The following THSD4 variants were observed in gnomAD, a reference collection of about 807,000 sequenced individuals.
The protein encoded by THSD4 is thrombospondin type 1 domain containing 4.
Under a neutral mutation model 119.0 loss-of-function variants are expected in THSD4, and 69 were observed. That is an observed-to-expected ratio of 0.58 (90% CI 0.48 to 0.71). The LOEUF is 0.71. THSD4 is among the 30% of genes least tolerant of loss of function. The pLI is 0.00. For missense variants in THSD4, 1,393 were observed against 1,391.1 expected, an observed-to-expected ratio of 1.00 and a Z score of -0.02; for synonymous variants, 524 against 540.4, an observed-to-expected ratio of 0.97 and a Z score of 0.42.
chr15:71,349,153 C>A (rs576313926), intron 6 of THSD4, among the ~76,000 whole-genome samples: 2 of 152,288 alleles, frequency 1.3e-5, no homozygotes, highest in African/African-American at 4.8e-5. Flanking sequence ...GCAGTGAGAT[C>A]ATAGGCAATT....
rs117869345 is a variant in THSD4 at position 71,612,568 on chromosome 15, G to A, written c.1153-47962G>A. 2.2e-3 allele frequency among the ~76,000 whole-genome samples: 333 copies of A among 152,236 alleles called. 1 individual carries two copies. The highest frequency in any genetic ancestry group is 7.5e-3 in the South Asian group (36 of 4,796). ...GACACCCATGAAAGGGATGGGTTCC[G>A]TGCTGCAGCTGTTGATGGAGACAAG... On this transcript the variant is annotated intron_variant, in intron 7 of 17. Coordinates refer to ENST00000261862, the MANE Select transcript of THSD4 (RefSeq NM_024817.3).
intron 7 of THSD4, among the ~76,000 whole-genome samples, chr15:71,567,221 T>C (rs1567040666): frequency 3.9e-5 from 6 of 152,148 alleles, no homozygotes. Context: ...CCCTGTTCAC[T>C]AGATCCCAGA....
At chr15:71,112,075 AC>A (rs767065597), upstream of THSD4, 51 of 1,607,662 alleles carry the variant, frequency 3.2e-5, no homozygotes, top group Middle Eastern at 3.3e-4. Flanking sequence ...TTCCAGTTCC[AC>A]ATGCCCTGAA....
intron 7 of THSD4, chr15:71,547,328 C>A: frequency 6.5e-7 from 1 of 1,538,388 alleles, no homozygotes; most frequent in Non-Finnish European, 8.8e-7. Context: ...GGGCTGGAAT[C>A]CCGAGACACA....
intron 7 of THSD4, among the ~76,000 whole-genome samples, chr15:71,590,025 T>G (rs2049764432): frequency 7.2e-6 from 1 of 139,688 alleles, no homozygotes; most frequent in African/African-American, 2.5e-5. Context: ...TTTCTAGATC[T>G]GTGCATATCA....
At chr15:71,118,092 A>G (rs1294324974) in intron 1 of THSD4, among the ~76,000 whole-genome samples, 1 of 152,074 alleles carries the variant, frequency 6.6e-6, no homozygotes, top group Non-Finnish European at 1.5e-5. Context: ...GTTCAAGGAG[A>G]TGGGAAAGGC....
chr15:71,264,020 C>G (rs1415733948), intron 6 of THSD4, among the ~76,000 whole-genome samples: 3 of 152,234 alleles, frequency 2.0e-5, no homozygotes, highest in African/African-American at 7.2e-5. Flanking sequence ...CCACTTCAGT[C>G]AAGATCTACC....
At chr15:71,107,777 G>T (rs1250855671) in intron 1 of THSD4, among the ~76,000 whole-genome samples, 1 of 152,200 alleles carries the variant, frequency 6.6e-6, no homozygotes, top group Non-Finnish European at 1.5e-5. Flanking sequence ...ATGCTAATGG[G>T]GAAGGCACAG....
chr15:71,330,965 C>T (rs911935171), intron 6 of THSD4, among the ~76,000 whole-genome samples: 3 of 152,190 alleles, frequency 2.0e-5, no homozygotes, highest in Non-Finnish European at 2.9e-5. Flanking sequence ...CTGGCCTTGT[C>T]GAGGAAGGAG....
At chr15:71,749,605 A>C (rs16956157) in intron 14 of THSD4, among the ~76,000 whole-genome samples, 1,902 of 152,260 alleles carry the variant, frequency 0.012, 35 homozygotes, top group Admixed American at 0.04. Flanking sequence ...GAACCGCATT[A>C]AAGTGTAGGT....
intron 6 of THSD4, among the ~76,000 whole-genome samples, chr15:71,333,194 G>A (rs999957150): frequency 1.3e-5 from 2 of 152,096 alleles, no homozygotes; most frequent in African/African-American, 4.8e-5. Context: ...TGCATTGCAG[G>A]CATTAGCAGC....
At chr15:71,297,642 C>T (rs1023992730) in intron 6 of THSD4, among the ~76,000 whole-genome samples, 3 of 152,072 alleles carry the variant, frequency 2.0e-5, no homozygotes, top group Admixed American at 6.6e-5. Context: ...CCTTTTCCTC[C>T]TCCTTTTTAA....
intron 7 of THSD4, among the ~76,000 whole-genome samples, chr15:71,527,850 C>CT (rs762030903): frequency 1.3e-5 from 2 of 150,942 alleles, no homozygotes; most frequent in Admixed American, 6.7e-5. Context: ...GTAGGTAGGA[C>CT]TAAAGGTGCA....
At chr15:71,589,162 C>G (rs925171619) in intron 7 of THSD4, among the ~76,000 whole-genome samples, 1 of 152,016 alleles carries the variant, frequency 6.6e-6, no homozygotes, top group African/African-American at 2.4e-5. Context: ...TCATTAATGC[C>G]TTATACAGTG....
At chr15:71,315,710 A>G (rs148855848) in intron 6 of THSD4, among the ~76,000 whole-genome samples, 74 of 152,328 alleles carry the variant, frequency 4.9e-4, no homozygotes, top group African/African-American at 1.7e-3. Context: ...AGAAAACACT[A>G]TTTTAAACTT....
At chr15:71,703,834 G>C (rs1434998186) in intron 8 of THSD4, among the ~76,000 whole-genome samples, 2 of 152,140 alleles carry the variant, frequency 1.3e-5, no homozygotes, top group African/African-American at 4.8e-5. Flanking sequence ...ACTCTACAAA[G>C]ATTGGGGTTT....
intron 15 of THSD4, among the ~76,000 whole-genome samples, chr15:71,759,266 A>C (rs1057373648): frequency 2.0e-5 from 3 of 152,248 alleles, no homozygotes; most frequent in Non-Finnish European, 2.9e-5. Context: ...GAGAATTCAG[A>C]AAGAATTCAA....
At chr15:71,127,280 T>C (rs2040463876) in intron 1 of THSD4, among the ~76,000 whole-genome samples, 1 of 152,236 alleles carries the variant, frequency 6.6e-6, no homozygotes, top group Admixed American at 6.5e-5. Flanking sequence ...TTGAATAATG[T>C]CCCATCATAT....
At chr15:71,333,195 C>T (rs898110828) in intron 6 of THSD4, among the ~76,000 whole-genome samples, 1 of 152,144 alleles carries the variant, frequency 6.6e-6, no homozygotes, top group South Asian at 2.1e-4. Context: ...GCATTGCAGG[C>T]ATTAGCAGCT....
Sources: gnomAD v4.1 joint callset for allele counts (sites outside exome capture counted in the v4.1 genomes callset) on GRCh38, gnomAD v4.1.1 for gene constraint, MANE v1.5 for transcripts, NCBI Gene and HGNC (gene_info 2026-07-23, HGNC 2026-07-21) for gene names.